The following ZNF385D variants were observed in gnomAD, a reference collection of about 807,000 sequenced individuals.
ZNF385D encodes the protein zinc finger protein 385D.
Under a neutral mutation model 35.8 loss-of-function variants are expected in ZNF385D, and 15 were observed. The observed-to-expected ratio is 0.42, with a 90% CI of 0.28 to 0.64. ZNF385D has a LOEUF of 0.64. ZNF385D is among the 30% of genes least tolerant of loss of function. The pLI is 0.23. For synonymous variants in ZNF385D, 212 were observed against 186.8 expected (o/e 1.13, Z -1.10); for missense variants, 474 against 494.6 (o/e 0.96, Z 0.39).
At chr3:22,198,555 A>C (rs989245172) in intron 2 of ZNF385D, among the ~76,000 whole-genome samples, 5 of 152,248 alleles carry the variant, frequency 3.3e-5, no homozygotes, top group African/African-American at 1.2e-4. Context: ...TTTGTAAAGC[A>C]AGAACATTTT....
At chr3:21,686,287 C>T (rs531794247) in intron 1 of ZNF385D, among the ~76,000 whole-genome samples, 7 of 151,896 alleles carry the variant, frequency 4.6e-5, no homozygotes, top group Non-Finnish European at 1.0e-4. Flanking sequence ...TTTTAGGTTG[C>T]TATAATTATT....
intron 3 of ZNF385D, among the ~76,000 whole-genome samples, chr3:21,943,453 C>A (rs1701631813): frequency 6.6e-6 from 1 of 151,560 alleles, no homozygotes. Context: ...TCTGCAGTGA[C>A]AACATCATGG....
chr3:22,060,794 G>A (rs1180931364), intron 3 of ZNF385D, among the ~76,000 whole-genome samples: 1 of 151,744 alleles, frequency 6.6e-6, no homozygotes, highest in East Asian at 1.9e-4. Context: ...TCCACGCAAG[G>A]GTTTCTGAAT....
intron 4 of ZNF385D, among the ~76,000 whole-genome samples, chr3:21,445,911 T>C (rs1468191315): frequency 6.6e-6 from 1 of 152,210 alleles, no homozygotes; most frequent in Non-Finnish European, 1.5e-5. Flanking sequence ...TATTTCACTC[T>C]TTTCTTTATG....
intron 3 of ZNF385D, among the ~76,000 whole-genome samples, chr3:21,918,571 T>C (rs1161098291): frequency 6.6e-6 from 1 of 152,206 alleles, no homozygotes; most frequent in Non-Finnish European, 1.5e-5. Context: ...TTAATAATCA[T>C]GTCAATAGTT....
chr3:21,543,237 G>C (rs1445792250), intron 3 of ZNF385D, among the ~76,000 whole-genome samples: 5 of 152,162 alleles, frequency 3.3e-5, no homozygotes, highest in African/African-American at 9.7e-5. Context: ...CTTGAAGCTG[G>C]CTGGGAGGCG....
chr3:21,566,366 T>TATA (rs1209966943), intron 2 of ZNF385D, among the ~76,000 whole-genome samples: 4 of 152,184 alleles, frequency 2.6e-5, no homozygotes, highest in Non-Finnish European at 5.9e-5. Flanking sequence ...AGCTCATGCC[T>TATA]ATAATCCCAG....
chr3:21,455,156 C>T (rs182627517), intron 4 of ZNF385D, among the ~76,000 whole-genome samples: 1,546 of 152,278 alleles, frequency 0.01, 28 homozygotes, highest in African/African-American at 0.035. Flanking sequence ...AATGGCCATA[C>T]TGCCCAAGGT....
At chr3:21,762,173 A>T (rs1249038942) in intron 3 of ZNF385D, among the ~76,000 whole-genome samples, 3 of 151,910 alleles carry the variant, frequency 2.0e-5, no homozygotes, top group Non-Finnish European at 2.9e-5. Flanking sequence ...CGCTGTGCTC[A>T]GTCTGTCTTC....
At chr3:21,809,685 T>C (rs1369033730) in intron 3 of ZNF385D, among the ~76,000 whole-genome samples, 1 of 150,782 alleles carries the variant, frequency 6.6e-6, no homozygotes, top group East Asian at 1.9e-4. Context: ...CACACATATA[T>C]ACCTATATAC....
intron 1 of ZNF385D, among the ~76,000 whole-genome samples, chr3:21,734,354 T>A (rs918350661): frequency 7.7e-6 from 1 of 129,316 alleles, no homozygotes; most frequent in Non-Finnish European, 1.8e-5. Context: ...TTTGTAAAGA[T>A]TTTTTTTGTT....
rs142264704 is a variant in ZNF385D, at chr3:21,685,392, C to T, written c.23-20364G>A. ...AAAGAGAAACAAACAGAATATGGTA[C>T]AGCCTAAGAGTTCATAAAAGACAGC... On this transcript the variant is annotated intron_variant, in intron 1 of 7. Transcript: ENST00000281523. Among the ~76,000 whole-genome samples, 796 of 152,258 alleles carry T rather than the reference C, an allele frequency of 5.2e-3. 7 individuals are homozygous for T. Among genetic ancestry groups the T allele is most frequent in the African/African-American group, 0.016 (684 of 41,546 alleles).
intron 2 of ZNF385D, among the ~76,000 whole-genome samples, chr3:21,659,997 A>C (rs917524107): frequency 6.6e-6 from 1 of 152,036 alleles, no homozygotes; most frequent in Non-Finnish European, 1.5e-5. Context: ...CCAATGGATA[A>C]AACTCCTCGA....
intron 2 of ZNF385D, among the ~76,000 whole-genome samples, chr3:22,172,344 A>G (rs1031503390): frequency 4.6e-5 from 7 of 152,252 alleles, no homozygotes; most frequent in African/African-American, 1.7e-4. Flanking sequence ...CACAGGAATA[A>G]TTAAAATGTG....
intron 3 of ZNF385D, among the ~76,000 whole-genome samples, chr3:21,825,854 A>G (rs1181328576): frequency 1.3e-5 from 2 of 152,160 alleles, no homozygotes; most frequent in African/African-American, 2.4e-5. Flanking sequence ...GCAGGAGGTG[A>G]GCGCCGGGAA....
chr3:21,748,455 G>C (rs2069890158), intron 1 of ZNF385D, among the ~76,000 whole-genome samples: 1 of 152,034 alleles, frequency 6.6e-6, no homozygotes, highest in Non-Finnish European at 1.5e-5. Flanking sequence ...TGACAAATCA[G>C]ATGATTTATA....
At chr3:22,010,513 C>T (rs1174279228) in intron 3 of ZNF385D, among the ~76,000 whole-genome samples, 1 of 152,172 alleles carries the variant, frequency 6.6e-6, no homozygotes, top group East Asian at 1.9e-4. Flanking sequence ...TCTATCTAGG[C>T]TCAGACTTGC....
At chr3:21,449,928 C>T (rs1217601597) in intron 4 of ZNF385D, among the ~76,000 whole-genome samples, 1 of 152,082 alleles carries the variant, frequency 6.6e-6, no homozygotes, top group Non-Finnish European at 1.5e-5. Flanking sequence ...AAGGCTGTTG[C>T]CAAGCGGTCA....
chr3:21,704,579 G>T (rs2067827644), intron 1 of ZNF385D, among the ~76,000 whole-genome samples: 2 of 151,690 alleles, frequency 1.3e-5, no homozygotes, highest in Non-Finnish European at 1.5e-5. Flanking sequence ...TGTGATCTCG[G>T]CTCACTGCAG....
Sources: gnomAD v4.1 joint callset for allele counts (sites outside exome capture counted in the v4.1 genomes callset) on GRCh38, gnomAD v4.1.1 for gene constraint, MANE v1.5 for transcripts, NCBI Gene and HGNC (gene_info 2026-07-23, HGNC 2026-07-21) for gene names.